ST8SIA1: variants seen among roughly 807,000 people sequenced by gnomAD.
ST8SIA1 encodes ST8 alpha-N-acetyl-neuraminide alpha-2,8-sialyltransferase 1, also known as alpha-N-acetylneuraminide alpha-2,8-sialyltransferase.
A neutral mutation model predicts 35.9 loss-of-function variants in ST8SIA1; 16 were observed. The observed-to-expected ratio is 0.45, with a 90% confidence interval of 0.30 to 0.68. The LOEUF (loss-of-function observed/expected upper bound fraction) is 0.68. ST8SIA1 is among the 30% of genes least tolerant of loss of function. ST8SIA1 has a pLI of 0.09. For missense variants in ST8SIA1, 383 were observed against 453.6 expected (o/e 0.84, Z 1.41); for synonymous variants, 170 against 169.6 (o/e 1.00, Z -0.02).
Position 22,315,364 on chromosome 12 carries a change from T to G in ST8SIA1, c.236+18633A>C, listed in dbSNP as rs1298943579. Among the ~76,000 whole-genome samples, 3 of 152,290 alleles carry G rather than the reference T, an allele frequency of 2.0e-5. No individual in the cohort carries two copies. The East Asian group carries it at 5.8e-4, about 29-fold the overall frequency. ...AGAGGACTTGGTTTAGAGCAACCGT[T>G]CTTTCTCCCAGTAAGATTCATGCAG... is the stretch of plus-strand genomic sequence containing the variant. On this transcript the variant is annotated intron_variant, in intron 1 of 4. Coordinates refer to ENST00000396037, the MANE Select transcript of ST8SIA1 (RefSeq NM_003034.4).
At chr12:22,219,675 A>G (rs1366299054) in intron 4 of ST8SIA1, among the ~76,000 whole-genome samples, 1 of 152,188 alleles carries the variant, frequency 6.6e-6, no homozygotes, top group East Asian at 1.9e-4. Flanking sequence ...CATTTACAGG[A>G]TCTTTAAAGC....
chr12:22,207,447 A>G (rs753547237), intron 4 of ST8SIA1, among the ~76,000 whole-genome samples: 4 of 152,158 alleles, frequency 2.6e-5, no homozygotes, highest in South Asian at 2.1e-4. Flanking sequence ...AAGAACTGTA[A>G]TTAAGCATGT....
At chr12:22,273,967 C>T (rs572090263) in intron 2 of ST8SIA1, among the ~76,000 whole-genome samples, 1 of 152,264 alleles carries the variant, frequency 6.6e-6, no homozygotes, top group South Asian at 2.1e-4. Context: ...TGGGGACCAG[C>T]CCCCTCCTCC....
At chr12:22,226,654 C>G (rs1865362365) in intron 4 of ST8SIA1, among the ~76,000 whole-genome samples, 1 of 150,678 alleles carries the variant, frequency 6.6e-6, no homozygotes, top group South Asian at 2.1e-4. Flanking sequence ...AGTTTTTTTC[C>G]TCGACATTCT....
intron 4 of ST8SIA1, among the ~76,000 whole-genome samples, chr12:22,208,988 C>A (rs1014191755): frequency 3.9e-5 from 6 of 152,020 alleles, no homozygotes; most frequent in Admixed American, 2.6e-4. Context: ...ATGGAATAAT[C>A]ATATACCATA....
intron 4 of ST8SIA1, among the ~76,000 whole-genome samples, chr12:22,240,978 CTTT>C (rs35021216): frequency 1.7e-4 from 22 of 130,430 alleles, no homozygotes; most frequent in African/African-American, 4.6e-4. Context: ...CATGCCAACT[CTTT>C]TTTTTTTTTT....
At chr12:22,249,861 T>C (rs1247727316) in intron 3 of ST8SIA1, among the ~76,000 whole-genome samples, 5 of 152,206 alleles carry the variant, frequency 3.3e-5, no homozygotes, top group African/African-American at 1.2e-4. Context: ...GAGGAATTAA[T>C]ATATTTTCTT....
At chr12:22,309,235 T>G (rs577521790) in intron 1 of ST8SIA1, among the ~76,000 whole-genome samples, 1 of 152,246 alleles carries the variant, frequency 6.6e-6, no homozygotes, top group South Asian at 2.1e-4. Flanking sequence ...CCTCGCTAAC[T>G]ACCATTAGCT....
chr12:22,304,335 T>C (rs1866357107), intron 1 of ST8SIA1, among the ~76,000 whole-genome samples: 1 of 24,048 alleles, frequency 4.2e-5, no homozygotes, highest in South Asian at 1.6e-3. Flanking sequence ...TTTCTTTTTC[T>C]TTTTTTTTTT....
At chr12:22,256,060 T>G (rs1865725491) in intron 2 of ST8SIA1, among the ~76,000 whole-genome samples, 1 of 152,228 alleles carries the variant, frequency 6.6e-6, no homozygotes, top group Non-Finnish European at 1.5e-5. Flanking sequence ...GAAAGCTTTC[T>G]CACTTGGGAT....
intron 3 of ST8SIA1, among the ~76,000 whole-genome samples, chr12:22,253,380 A>G (rs1048695743): frequency 2.0e-4 from 30 of 151,798 alleles, no homozygotes; most frequent in Non-Finnish European, 4.0e-4. Context: ...TGCCTTCAAT[A>G]CCTCTCTGGC....
chr12:22,241,595 G>A (rs989684343), intron 4 of ST8SIA1, among the ~76,000 whole-genome samples: 5 of 132,350 alleles, frequency 3.8e-5, no homozygotes, highest in South Asian at 2.6e-4. Context: ...CCCAGACTCC[G>A]GTATTTTTTT....
chr12:22,245,979 T>C (rs1865596916), intron 4 of ST8SIA1, among the ~76,000 whole-genome samples: 1 of 152,182 alleles, frequency 6.6e-6, no homozygotes, highest in Non-Finnish European at 1.5e-5. Context: ...CCCCCATCCC[T>C]CATCCTACAC....
chr12:22,334,255 C>T lies in ST8SIA1; in HGVS notation c.-23G>A, dbSNP rs753859250. The T allele has an allele frequency of 2.5e-6, 4 of 1,591,510 alleles. No homozygotes were observed. Among genetic ancestry groups the T allele is most frequent in the South Asian group, 2.2e-5 (2 of 90,432 alleles). On this transcript the variant is annotated 5_prime_UTR_variant, in exon 1 of 5. Transcript: ENST00000396037. ...CATCGCAGCCCCGGCGTCCCAGGGG[C>T]GGGGGCCGGGGCCTCAGCACAAAGC... is the stretch of plus-strand genomic sequence containing the variant.
intron 2 of ST8SIA1, among the ~76,000 whole-genome samples, chr12:22,286,340 G>T (rs1229613724): frequency 1.3e-5 from 2 of 152,048 alleles, no homozygotes; most frequent in African/African-American, 4.8e-5. Context: ...AAGTCTCATG[G>T]GCTATTAACA....
At chr12:22,260,327 A>AT (rs1208104279) in intron 2 of ST8SIA1, among the ~76,000 whole-genome samples, 1 of 151,982 alleles carries the variant, frequency 6.6e-6, no homozygotes, top group Non-Finnish European at 1.5e-5. Context: ...ACACACAGCT[A>AT]TTTTTTGTAT....
At chr12:22,223,045 C>G (rs1452833537) in intron 4 of ST8SIA1, among the ~76,000 whole-genome samples, 2 of 152,172 alleles carry the variant, frequency 1.3e-5, no homozygotes, top group African/African-American at 4.8e-5. Flanking sequence ...CATTCATGTC[C>G]TCAATACTTC....
intron 2 of ST8SIA1, among the ~76,000 whole-genome samples, chr12:22,261,853 A>G (rs1013440881): frequency 6.6e-6 from 1 of 152,058 alleles, no homozygotes; most frequent in Non-Finnish European, 1.5e-5. Context: ...TCATTCATCA[A>G]CTTTTCATTG....
chr12:22,212,484 T>C (rs1865186266), intron 4 of ST8SIA1, among the ~76,000 whole-genome samples: 1 of 152,226 alleles, frequency 6.6e-6, no homozygotes, highest in South Asian at 2.1e-4. Context: ...CCTCCATACC[T>C]TCTCATTTTA....
Sources: allele counts gnomAD v4.1 joint callset (sites outside exome capture counted in the v4.1 genomes callset), GRCh38; gene constraint gnomAD v4.1.1; transcripts MANE v1.5; gene names NCBI Gene and HGNC (gene_info 2026-07-23, HGNC 2026-07-21).